SLC39A11: variants seen among roughly 807,000 people sequenced by gnomAD.
The protein encoded by SLC39A11 is solute carrier family 39 member 11, also known as zinc transporter ZIP11.
A neutral mutation model predicts 36.1 loss-of-function variants in SLC39A11; 33 were observed. The ratio of observed to expected loss-of-function variants is 0.91; its 90% CI spans 0.69 to 1.22. The LOEUF (loss-of-function observed/expected upper bound fraction) is 1.22, where lower values mean the gene tolerates loss of function less well. Among genes scored for constraint, SLC39A11 ranks in the 50% most tolerant of loss-of-function variants. The pLI, the probability that SLC39A11 is intolerant of heterozygous loss-of-function variation, is 0.00. For missense variants in SLC39A11, 432 were observed against 430.3 expected (o/e 1.00, Z -0.03); for synonymous variants, 166 against 170.3 (o/e 0.97, Z 0.20).
chr17:72,917,220 C>T (rs995137851), intron 5 of SLC39A11, among the ~76,000 whole-genome samples: 3 of 152,212 alleles, frequency 2.0e-5, no homozygotes, highest in East Asian at 1.9e-4. Context: ...CTCTCTTCTC[C>T]ACTTCTCTCT....
chr17:72,764,535 T>C (rs1401466261), intron 6 of SLC39A11, among the ~76,000 whole-genome samples: 2 of 152,146 alleles, frequency 1.3e-5, no homozygotes, highest in Non-Finnish European at 2.9e-5. Flanking sequence ...GTTCCAGGCC[T>C]TGTGTACCCC....
At chr17:72,957,863 G>A (rs987638830) in intron 4 of SLC39A11, among the ~76,000 whole-genome samples, 8 of 151,524 alleles carry the variant, frequency 5.3e-5, no homozygotes, top group African/African-American at 1.9e-4. Context: ...GATGGCTTGC[G>A]CCTATAATCC....
At chr17:72,729,424 TATATATATATATA>T (rs2074082564) in intron 7 of SLC39A11, among the ~76,000 whole-genome samples, 2 of 2,262 alleles carry the variant, frequency 8.8e-4, no homozygotes, top group Admixed American at 5.7e-3. Flanking sequence ...TATATATATA[TATATATATATATA>T]TATATATATA....
chr17:72,940,787 G>A (rs2085052909), intron 5 of SLC39A11, among the ~76,000 whole-genome samples: 1 of 152,174 alleles, frequency 6.6e-6, no homozygotes, highest in Non-Finnish European at 1.5e-5. Flanking sequence ...ATCTCTGGAA[G>A]ACAACTTCTC....
At chr17:73,048,628 G>A (rs1288010674) in intron 3 of SLC39A11, among the ~76,000 whole-genome samples, 2 of 152,276 alleles carry the variant, frequency 1.3e-5, no homozygotes, top group Admixed American at 1.3e-4. Context: ...TTTCCACAGT[G>A]GCTGAACTAA....
At chr17:72,986,107 G>T (rs550070765) in intron 4 of SLC39A11, among the ~76,000 whole-genome samples, 6 of 152,272 alleles carry the variant, frequency 3.9e-5, no homozygotes, top group Non-Finnish European at 8.8e-5. Flanking sequence ...CTACTTTCCA[G>T]AAAGTTCTAG....
At chr17:72,784,923 A>T (rs2076455836) in intron 6 of SLC39A11, among the ~76,000 whole-genome samples, 1 of 149,628 alleles carries the variant, frequency 6.7e-6, no homozygotes, top group Non-Finnish European at 1.5e-5. Context: ...GCAGTGGTGC[A>T]ATCTTGGCTC....
chr17:72,676,434 T>A (rs1261586281), intron 7 of SLC39A11, among the ~76,000 whole-genome samples: 1 of 152,044 alleles, frequency 6.6e-6, no homozygotes, highest in African/African-American at 2.4e-5. Context: ...AACATTTCAA[T>A]ATGGTACCTG....
intron 7 of SLC39A11, among the ~76,000 whole-genome samples, chr17:72,700,004 A>G (rs2072530927): frequency 7.1e-6 from 1 of 140,566 alleles, no homozygotes; most frequent in African/African-American, 2.6e-5. Context: ...TACTTCTGGT[A>G]CCTGACTTAT....
intron 4 of SLC39A11, among the ~76,000 whole-genome samples, chr17:73,024,864 A>ATTTTTTTTTTTTTTTT (rs1163840820): frequency 1.9e-4 from 19 of 97,870 alleles, no homozygotes; most frequent in South Asian, 4.2e-4. Context: ...TGCCCAGCTA[A>ATTTTTTTTTTTTTTTT]TTTTTTTTTT....
chr17:72,978,369 T>C (rs183732898), intron 4 of SLC39A11, among the ~76,000 whole-genome samples: 9 of 152,278 alleles, frequency 5.9e-5, no homozygotes, highest in Non-Finnish European at 1.3e-4. Flanking sequence ...GGAGCCTACA[T>C]TGTGGTGGGG....
chr17:73,081,759 G>GTATATATATACACATATA (rs2060541466), intron 3 of SLC39A11, among the ~76,000 whole-genome samples: 3 of 77,884 alleles, frequency 3.9e-5, no homozygotes, highest in Non-Finnish European at 5.8e-5. Context: ...ATATGTGTGT[G>GTATATATATACACATATA]GGTATATACA....
At position 72,849,816 on chromosome 17, in the gene SLC39A11, A is replaced by C; in HGVS notation, c.431-12T>G. Reference sequence around the variant, plus strand: ...ATTCTCACTCTTGTCTGAGCAAAAAAAAAAAAAAAGAGAGATGGGGAAAGA... The same window carrying C: ...ATTCTCACTCTTGTCTGAGCAAAAACAAAAAAAAAGAGAGATGGGGAAAGA... On this transcript the variant is annotated splice_polypyrimidine_tract_variant and intron_variant, in intron 5 of 9. Transcript: ENST00000255559. 1 of 1,509,792 alleles carries C rather than the reference A, an allele frequency of 6.6e-7. No homozygotes were observed. The highest frequency in any genetic ancestry group is 1.8e-4 in the Middle Eastern group (1 of 5,572). 93.5% of individuals were successfully genotyped at this position (1,509,792 alleles called of 1,614,324 possible). A position where few individuals can be genotyped will look rare whatever the true frequency, so the allele number is the denominator to read the frequency against.
At chr17:72,670,155 TTATATACACA>T (rs1567927332) in intron 7 of SLC39A11, among the ~76,000 whole-genome samples, 1 of 104,830 alleles carries the variant, frequency 9.5e-6, no homozygotes, top group East Asian at 2.9e-4. Flanking sequence ...CACACACATT[TTATATACACA>T]CACACACACA....
In SLC39A11 at chr17:72,736,711, C is replaced by T. The variant is rs768168618; in HGVS notation, c.610G>A (p.Ala204Thr). 7.4e-6 allele frequency: 12 copies of T among 1,613,674 alleles called. No individual in the cohort carries two copies. In the East Asian group the frequency reaches 8.9e-5, roughly 12 times the overall value. The change falls in exon 7 of 10, where the codon GCT becomes ACT. Residue 204 changes from alanine to threonine, a missense_variant. Transcript: ENST00000255559. ...ATAGCCCCAAATCCAACTCCAACAG[C>T]GAGACCCTCTGAAATAGATGTAAGA... is the stretch of plus-strand genomic sequence containing the variant. ...ITIHNVPEGLAVGVGFGAIEK... is the reference protein window; with the variant it reads ...ITIHNVPEGLTVGVGFGAIEK...
intron 5 of SLC39A11, among the ~76,000 whole-genome samples, chr17:72,917,977 C>T (rs1252128483): frequency 6.6e-6 from 1 of 152,218 alleles, no homozygotes; most frequent in Non-Finnish European, 1.5e-5. Context: ...GACCTCACCT[C>T]ATCGGCACTG....
At chr17:73,027,402 G>A (rs568463472) in intron 4 of SLC39A11, among the ~76,000 whole-genome samples, 77 of 152,066 alleles carry the variant, frequency 5.1e-4, no homozygotes, top group South Asian at 1.7e-3. Context: ...TCATTAAGAC[G>A]CCATTTGGCA....
chr17:72,795,933 T>C (rs1352926489), intron 6 of SLC39A11, among the ~76,000 whole-genome samples: 1 of 151,934 alleles, frequency 6.6e-6, no homozygotes, highest in Non-Finnish European at 1.5e-5. Flanking sequence ...AATAAGCAAA[T>C]GAGCAAATAA....
intron 4 of SLC39A11, among the ~76,000 whole-genome samples, chr17:72,973,239 CA>C (rs1260505624): frequency 6.6e-6 from 1 of 151,952 alleles, no homozygotes; most frequent in Non-Finnish European, 1.5e-5. Context: ...GCGACTTACA[CA>C]GGAAAGGTTT....
Sources: allele counts gnomAD v4.1 joint callset (sites outside exome capture counted in the v4.1 genomes callset), GRCh38; gene constraint gnomAD v4.1.1; transcripts MANE v1.5; gene names NCBI Gene and HGNC (gene_info 2026-07-23, HGNC 2026-07-21).